The following AIG1 variants were observed in gnomAD, a reference collection of about 807,000 sequenced individuals.
AIG1 encodes androgen-induced gene 1 protein.
In AIG1, 23 loss-of-function variants were observed where a neutral mutation model predicts 31.4. The observed-to-expected ratio is 0.73, with a 90% CI of 0.53 to 1.04. The LOEUF is 1.04. Ranked by LOEUF, AIG1 falls within the 50% of genes least tolerant of loss-of-function variation. The pLI, the probability that AIG1 is intolerant of heterozygous loss-of-function variation, is 0.00. For synonymous variants in AIG1, 100 were observed against 110.5 expected (o/e 0.90, Z 0.60); for missense variants, 274 against 295.0 (o/e 0.93, Z 0.52).
intron 3 of AIG1, among the ~76,000 whole-genome samples, chr6:143,282,712 A>G (rs1562554542): frequency 6.6e-6 from 1 of 152,252 alleles, no homozygotes; most frequent in African/African-American, 2.4e-5. Flanking sequence ...GAGAATGTTT[A>G]AGGCAAAGAT....
At chr6:143,273,222 A>G (rs1015644318) in intron 3 of AIG1, among the ~76,000 whole-genome samples, 7 of 152,224 alleles carry the variant, frequency 4.6e-5, no homozygotes, top group Admixed American at 1.3e-4. Context: ...GGATGCTGAT[A>G]TCTACGAATA....
At chr6:143,223,006 C>T (rs1051513760) in intron 3 of AIG1, among the ~76,000 whole-genome samples, 7 of 152,178 alleles carry the variant, frequency 4.6e-5, no homozygotes, top group African/African-American at 1.2e-4. Context: ...AGAACACAGA[C>T]AATGAGGCAA....
chr6:143,295,182 A>G (rs1431597062), intron 4 of AIG1, among the ~76,000 whole-genome samples: 1 of 152,118 alleles, frequency 6.6e-6, no homozygotes, highest in East Asian at 1.9e-4. Context: ...GTTGTTCACC[A>G]GTTTCTGAGT....
At chr6:143,313,379 G>A (rs1488186709) in intron 4 of AIG1, among the ~76,000 whole-genome samples, 1 of 152,134 alleles carries the variant, frequency 6.6e-6, no homozygotes, top group Admixed American at 6.5e-5. Context: ...GCCATGAAAA[G>A]AAGGAGGTTC....
At chr6:143,138,228 C>A (rs1783927995) in intron 2 of AIG1, among the ~76,000 whole-genome samples, 1 of 152,204 alleles carries the variant, frequency 6.6e-6, no homozygotes, top group African/African-American at 2.4e-5. Context: ...TGAAGCTAAC[C>A]AGCAAATCTC....
intron 1 of AIG1, among the ~76,000 whole-genome samples, chr6:143,067,572 A>G (rs1258623634): frequency 1.3e-5 from 2 of 152,224 alleles, no homozygotes; most frequent in African/African-American, 4.8e-5. Flanking sequence ...CTGCTTAAGT[A>G]TACTACATTT....
chr6:143,124,348 C>T (rs1308202930), intron 1 of AIG1, among the ~76,000 whole-genome samples: 1 of 152,218 alleles, frequency 6.6e-6, no homozygotes, highest in Non-Finnish European at 1.5e-5. Context: ...CAGCCACAGG[C>T]AAGGGAATGT....
At chr6:143,247,424 A>ATATTG (rs1794695566) in intron 3 of AIG1, among the ~76,000 whole-genome samples, 1 of 152,246 alleles carries the variant, frequency 6.6e-6, no homozygotes, top group Admixed American at 6.5e-5. Context: ...GGACTTGATC[A>ATATTG]CATACTTCCC....
intron 3 of AIG1, among the ~76,000 whole-genome samples, chr6:143,233,583 AAAAAAAAAG>A (rs1213408838): frequency 1.3e-5 from 2 of 151,098 alleles, no homozygotes; most frequent in South Asian, 2.1e-4. Context: ...ATGGACCAAA[AAAAAAAAAG>A]AAAAGAAAAG....
intron 1 of AIG1, among the ~76,000 whole-genome samples, chr6:143,133,255 T>G (rs1225536733): frequency 6.6e-6 from 1 of 152,140 alleles, no homozygotes; most frequent in Non-Finnish European, 1.5e-5. Flanking sequence ...AAGTATTGTT[T>G]GGGTGGATCT....
chr6:143,190,742 A>G (rs1789718113), intron 3 of AIG1: 1 of 381,434 alleles, frequency 2.6e-6, no homozygotes, highest in Non-Finnish European at 3.6e-6. Context: ...CAAACTCTCA[A>G]ACATTTTCTA....
At chr6:143,143,917 A>G (rs1458471365) in intron 2 of AIG1, among the ~76,000 whole-genome samples, 1 of 152,158 alleles carries the variant, frequency 6.6e-6, no homozygotes, top group African/African-American at 2.4e-5. Flanking sequence ...AATTACCAAA[A>G]CTAGGTGAGT....
chr6:143,155,875 T>C (rs955217580), intron 2 of AIG1, among the ~76,000 whole-genome samples: 5 of 152,130 alleles, frequency 3.3e-5, no homozygotes, highest in African/African-American at 1.2e-4. Context: ...GGAGGAGCCA[T>C]TGGGACTTCT....
chr6:143,235,694 C>A (rs1020618718), intron 3 of AIG1, among the ~76,000 whole-genome samples: 2 of 152,274 alleles, frequency 1.3e-5, no homozygotes, highest in African/African-American at 4.8e-5. Flanking sequence ...GAAAAGGATA[C>A]CGTTGTATTT....
chr6:143,235,010 T>C (rs1279828584), intron 3 of AIG1, among the ~76,000 whole-genome samples: 1 of 152,212 alleles, frequency 6.6e-6, no homozygotes, highest in Non-Finnish European at 1.5e-5. Context: ...TAATCATTAC[T>C]ACATAGCCCT....
At chr6:143,200,581 C>T (rs1317491011) in intron 3 of AIG1, among the ~76,000 whole-genome samples, 1 of 152,100 alleles carries the variant, frequency 6.6e-6, no homozygotes, top group Non-Finnish European at 1.5e-5. Flanking sequence ...ATTCCTTTAC[C>T]ACGCCACTGT....
At chr6:143,176,938 C>G (rs1788223614) in intron 3 of AIG1, among the ~76,000 whole-genome samples, 1 of 152,232 alleles carries the variant, frequency 6.6e-6, no homozygotes. Flanking sequence ...TGATGTGAGT[C>G]TCCACACATG....
At chr6:143,282,917 G>C (rs1797438175) in intron 3 of AIG1, among the ~76,000 whole-genome samples, 1 of 152,136 alleles carries the variant, frequency 6.6e-6, no homozygotes, top group Non-Finnish European at 1.5e-5. Flanking sequence ...TCAATTTCCT[G>C]CCTTTTCCTT....
intron 1 of AIG1, among the ~76,000 whole-genome samples, chr6:143,071,139 T>C (rs1206619398): frequency 6.6e-6 from 1 of 152,236 alleles, no homozygotes; most frequent in African/African-American, 2.4e-5. Context: ...ATTTGTTCTT[T>C]CTATGATTTT....
Sources: gnomAD v4.1 joint callset for allele counts (sites outside exome capture counted in the v4.1 genomes callset) on GRCh38, gnomAD v4.1.1 for gene constraint, MANE v1.5 for transcripts, NCBI Gene and HGNC (gene_info 2026-07-23, HGNC 2026-07-21) for gene names.